The following CD63 variants were observed in gnomAD, a reference collection of about 807,000 sequenced individuals.
The protein encoded by CD63 is CD63 molecule, also known as CD63 antigen.
CD63 carries 16 observed loss-of-function variants against 29.2 expected under a neutral mutation model. The observed-to-expected ratio is 0.55, with a 90% CI of 0.37 to 0.83. The LOEUF is 0.83. CD63 is among the 40% of genes least tolerant of loss of function. The pLI, the probability that CD63 is intolerant of heterozygous loss-of-function variation, is 0.00. For synonymous variants in CD63, 118 were observed against 111.7 expected, an observed-to-expected ratio of 1.06 and a Z score of -0.36; for missense variants, 251 against 297.3, an observed-to-expected ratio of 0.84 and a Z score of 1.15.
chr12:55,724,184 C>G (rs980707486), downstream of CD63: 1 of 1,453,098 alleles, frequency 6.9e-7, no homozygotes, highest in African/African-American at 1.4e-5. Flanking sequence ...ACAAGAGTGC[C>G]CAGGCCATGT....
rs996037238 is a variant in CD63 at position 55,728,883 on chromosome 12, C to G, written c.-12+70G>C. ...GAGTCTCCGCGGGCCTGGGGCGAGC[C>G]CTGGAGGAAGGGACTGCGGGTGGTC... On this transcript the variant is annotated intron_variant, in intron 1 of 7. Coordinates refer to ENST00000257857, the MANE Select transcript of CD63 (RefSeq NM_001780.6). The surrounding 1 kb of genome is among the most constrained non-coding windows in gnomAD (Gnocchi z 4.8). The G allele has an allele frequency of 9.1e-6, 9 of 987,832 alleles. No individual in the cohort carries two copies. The African/African-American group carries it at 1.4e-4, about 15-fold the overall frequency. 61.2% of individuals were successfully genotyped at this position (987,832 alleles called of 1,614,324 possible). A position where few individuals can be genotyped will look rare whatever the true frequency, so the allele number is the denominator to read the frequency against.
At chr12:55,729,473 A>C (rs1877774010), upstream of CD63, 1 of 152,496 alleles carries the variant, frequency 6.6e-6, no homozygotes, top group Non-Finnish European at 1.5e-5. Flanking sequence ...CTCTGGCTCC[A>C]ACTCTGTGCA....
intron 5 of CD63, 50 bp from the exon 6 acceptor site, chr12:55,726,311 C>T (rs984681298): frequency 1.0e-5 from 10 of 980,626 alleles, no homozygotes; most frequent in African/African-American, 1.0e-4. Flanking sequence ...TGAACCTTCA[C>T]CTTCAATATG....
At chr12:55,723,853 G>T, downstream of CD63, 1 of 1,610,590 alleles carries the variant, frequency 6.2e-7, no homozygotes, top group South Asian at 1.1e-5. Flanking sequence ...TATAGGGCAA[G>T]AACCCAGCAA....
At position 55,726,250 on chromosome 12, in the gene CD63, A is replaced by G. The variant is rs750289464; in HGVS notation, c.438T>C (p.Cys146=). The G allele has an allele frequency of 1.2e-6, 2 of 1,611,550 alleles. No individual in the cohort carries two copies. Among genetic ancestry groups the G allele is most frequent in the East Asian group, 2.2e-5 (1 of 44,716 alleles). The change falls in exon 6 of 8, where the codon TGT becomes TGC. Residue 146 remains cysteine, a synonymous_variant. Transcript: ENST00000257857. ...CCCAATCTGTGTAGTTAGCAGCCCC[A>G]CAGCACTTAAACTGGGGGAGGGAAG... is the stretch of plus-strand genomic sequence containing the variant. ...LDRMQADFKC[C]GAANYTDWEK... is the part of the protein sequence containing the mutation.
At position 55,728,790 on chromosome 12, in the gene CD63, C is replaced by T; in HGVS notation, c.-12+163G>A. On this transcript the variant is annotated intron_variant, in intron 1 of 7. Transcript: ENST00000257857. This position sits in a 1 kb window ranked among gnomAD's most constrained non-coding sequence, Gnocchi z 4.8. ...AAAAAAAGTGCAGCCAGCACCCCCG[C>T]CACACCCTGCCCGGGCCCAGGGAAC... 1 of 997,488 alleles carries T rather than the reference C, an allele frequency of 1.0e-6. No homozygotes were observed. The highest frequency in any genetic ancestry group is 1.2e-6 in the Non-Finnish European group (1 of 837,306). 61.8% of individuals were successfully genotyped at this position (997,488 alleles called of 1,614,324 possible). A position where few individuals can be genotyped will look rare whatever the true frequency, so the allele number is the denominator to read the frequency against.
In CD63 at chr12:55,728,635, C is replaced by T; in HGVS notation, c.-11-283G>A. The stretch of plus-strand genomic sequence containing the variant: ...TTGAGCCTGACGCCGACCCTCGGCC[C>T]GCCAGTCTCCGGGCGTCAAACACCC... On this transcript the variant is annotated intron_variant, in intron 1 of 7. Transcript: ENST00000257857. The surrounding 1 kb of genome is among the most constrained non-coding windows in gnomAD (Gnocchi z 4.8). 2 of 1,293,292 alleles carry T rather than the reference C, an allele frequency of 1.5e-6. No individual in the cohort carries two copies. The highest frequency in any genetic ancestry group is 2.0e-6 in the Non-Finnish European group (2 of 1,016,576). 80.1% of individuals were successfully genotyped at this position (1,293,292 alleles called of 1,614,324 possible). A position where few individuals can be genotyped will look rare whatever the true frequency, so the allele number is the denominator to read the frequency against.
rs371973613 is a variant in CD63, at chr12:55,726,812, G to A, written c.331-17C>T. ...TGACATCACCTGAGAGTACGGAGGA[G>A]CACTGTTGCAGTCAGAATTCAAGCA... On this transcript the variant is annotated splice_polypyrimidine_tract_variant and intron_variant, in intron 4 of 7. Coordinates refer to ENST00000257857, the MANE Select transcript of CD63 (RefSeq NM_001780.6). The A allele has an allele frequency of 2.5e-6, 4 of 1,607,552 alleles. No individual in the cohort carries two copies. The highest frequency in any genetic ancestry group is 2.2e-5 in the South Asian group (2 of 90,986).
intron 2 of CD63, chr12:55,727,959 C>A (rs1235533668): frequency 1.7e-6 from 2 of 1,210,042 alleles, no homozygotes; most frequent in Admixed American, 3.8e-5. Flanking sequence ...CGAAGGGAAG[C>A]CCCATGGCGA....
chr12:55,724,507 A>G, downstream of CD63: 1 of 1,613,110 alleles, frequency 6.2e-7, no homozygotes, highest in African/African-American at 1.3e-5. Context: ...TGCTGTGCTC[A>G]CCTGGGTCCT....
chr12:55,729,183 C>A, upstream of CD63: 2 of 962,322 alleles, frequency 2.1e-6, no homozygotes, highest in Non-Finnish European at 2.5e-6. Context: ...CCGGCCAGGG[C>A]CACGTGGCCC....
intron 7 of CD63, 44 bp downstream of exon 7, chr12:55,725,769 C>G: frequency 6.3e-7 from 1 of 1,579,924 alleles, no homozygotes; most frequent in Non-Finnish European, 8.7e-7. Flanking sequence ...TCCCTCCAGG[C>G]ACCCTGGACA....
intron 5 of CD63, 123 bp from the exon 6 acceptor site, chr12:55,726,384 C>A: frequency 1.1e-6 from 1 of 924,864 alleles, no homozygotes; most frequent in Non-Finnish European, 1.6e-6. Context: ...CTCTGTTGCC[C>A]AGACAAGTGC....
chr12:55,727,381 C>A, intron 2 of CD63, 42 bp from the exon 3 acceptor site: 1 of 1,557,572 alleles, frequency 6.4e-7, no homozygotes, highest in Non-Finnish European at 8.8e-7. Flanking sequence ...ATCCACAACA[C>A]AGTGGCCCTC....
downstream of CD63, chr12:55,723,760 T>G: frequency 2.8e-6 from 3 of 1,069,682 alleles, no homozygotes; most frequent in Non-Finnish European, 4.2e-6. Context: ...CCCGGGGCAG[T>G]AGGCATCTCC....
Position 55,728,254 on chromosome 12 carries a change from C to T in CD63, c.66+22G>A. 6.2e-7 allele frequency: 1 copy of T among 1,601,370 alleles called. No homozygotes were observed. Among genetic ancestry groups the T allele is most frequent in the Non-Finnish European group, 8.5e-7 (1 of 1,173,386 alleles). On this transcript the variant is annotated intron_variant, in intron 2 of 7. Transcript: ENST00000257857. The surrounding 1 kb of genome is among the most constrained non-coding windows in gnomAD (Gnocchi z 4.8). ...CTCCCCGCACCCTGCCGGCGCGCCCCCCAGGACCCCTCGCCACTCACGCAA... is the reference window on the plus strand; with the variant it reads ...CTCCCCGCACCCTGCCGGCGCGCCCTCCAGGACCCCTCGCCACTCACGCAA...
In CD63 at chr12:55,728,096, A is replaced by G. The variant is rs950561804; in HGVS notation, c.66+180T>C. ...CACCCAGGATGGCCATTCTCGGTGG[A>G]AACAAGCCTCAGGTGTCCAGGAAAA... On this transcript the variant is annotated intron_variant, in intron 2 of 7. Transcript: ENST00000257857. The surrounding 1 kb of genome is among the most constrained non-coding windows in gnomAD (Gnocchi z 4.8). Among the ~76,000 whole-genome samples, 1 of 151,386 alleles carries G rather than the reference A, an allele frequency of 6.6e-6. No homozygotes were observed. The highest frequency in any genetic ancestry group is 1.5e-5 in the Non-Finnish European group (1 of 67,766).
At position 55,725,439 on chromosome 12, in the gene CD63, G is replaced by A. The variant is rs1183826983; in HGVS notation, c.*122C>T. On this transcript the variant is annotated 3_prime_UTR_variant, in exon 8 of 8. Transcript: ENST00000257857. Reference sequence around the variant, plus strand: ...ATCAGTAAGGAAAGGAAGGAATCAAGCATCACTCTAAGACAAACTCAGACC... The same window carrying A: ...ATCAGTAAGGAAAGGAAGGAATCAAACATCACTCTAAGACAAACTCAGACC... The A allele has an allele frequency of 3.7e-6, 3 of 805,412 alleles. No individual in the cohort carries two copies. Among genetic ancestry groups the A allele is most frequent in the African/African-American group, 1.7e-5 (1 of 58,918 alleles). The allele number at this position is 805,412 out of a possible 1,614,324, so 49.9% of individuals were successfully genotyped here.
rs1332319107 is a variant in CD63 at position 55,726,722 on chromosome 12, A to G, written c.404T>C (p.Ile135Thr). 10 of 1,614,004 alleles carry G rather than the reference A, an allele frequency of 6.2e-6. No homozygotes were observed. Among genetic ancestry groups the G allele is most frequent in the Non-Finnish European group, 8.5e-6 (10 of 1,179,950 alleles). The part of the protein sequence containing the change: ...NYPKNNHTAS[I>T]LDRMQADFKC... ...CACATCTGCCTGCATCCTGTCCAGG[A>G]TCGAAGCAGTGTGGTTGTTTTTCGG... Residue 135 changes from isoleucine to threonine, a missense_variant, in exon 5 of 8, where the codon ATC becomes ACC. Transcript: ENST00000257857.
Sources: gnomAD v4.1 joint callset for allele counts (sites outside exome capture counted in the v4.1 genomes callset) on GRCh38, gnomAD v4.1.1 for gene constraint, Gnocchi (gnomAD v3.1) non-coding constraint, MANE v1.5 for transcripts, NCBI Gene and HGNC (gene_info 2026-07-23, HGNC 2026-07-21) for gene names.